MICU3: variants seen among roughly 807,000 people sequenced by gnomAD.
The protein encoded by MICU3 is calcium uptake protein 3, mitochondrial.
In MICU3, 62 loss-of-function variants were observed where a neutral mutation model predicts 66.5. The observed-to-expected ratio is 0.93, with a 90% CI of 0.76 to 1.15. MICU3 has a LOEUF of 1.15. MICU3 is among the 50% of genes most tolerant of loss of function. The pLI is 0.00. For missense variants in MICU3, 779 were observed against 664.4 expected, an observed-to-expected ratio of 1.17 and a Z score of -1.90; for synonymous variants, 308 against 240.7, an observed-to-expected ratio of 1.28 and a Z score of -2.59.
intron 1 of MICU3, among the ~76,000 whole-genome samples, chr8:17,032,253 C>T (rs1354438252): frequency 6.6e-6 from 1 of 152,144 alleles, no homozygotes; most frequent in African/African-American, 2.4e-5. Flanking sequence ...AATTTTTTAG[C>T]AAACTATGGC....
chr8:17,123,982 G>A (rs1340162850), downstream of MICU3, among the ~76,000 whole-genome samples: 3 of 142,440 alleles, frequency 2.1e-5, no homozygotes, highest in African/African-American at 7.7e-5. Flanking sequence ...TCCCTCTGTT[G>A]TGCTTCTCAG....
At position 17,064,123 on chromosome 8, in the gene MICU3, T is replaced by C. The variant is rs1398985165; in HGVS notation, c.421T>C (p.Tyr141His). Reference sequence around the variant, plus strand: ...AACAGACATTGAAGACTTAGACCTTTATGCCACATCTCGGGAGAGGCGATT... The same window carrying C: ...AACAGACATTGAAGACTTAGACCTTCATGCCACATCTCGGGAGAGGCGATT... ...GRTDIEDLDL[Y>H]ATSRERRFRL... The change falls in exon 2 of 15, where the codon TAT becomes CAT. Residue 141 changes from tyrosine (Y) to histidine (H), a missense_variant. Physicochemically the swap from Tyr to His is moderately conservative, Grantham distance 83. Coordinates refer to ENST00000318063, the MANE Select transcript of MICU3 (RefSeq NM_181723.3). 3.1e-6 allele frequency: 5 copies of C among 1,613,276 alleles called. No individual in the cohort carries two copies. The highest frequency in any genetic ancestry group is 1.3e-5 in the African/African-American group (1 of 74,908).
In MICU3 at chr8:17,114,167, T is replaced by C. The variant is rs1373831521; in HGVS notation, c.1332T>C (p.Asn444=). The C allele has an allele frequency of 1.9e-6, 3 of 1,611,404 alleles. No homozygotes were observed. The Admixed American group carries it at 5.0e-5, about 27-fold the overall frequency. The part of the protein sequence containing the change: ...NNLEDFAIAL[N]MYNFASRSIG... ...TAGAAGACTTTGCAATAGCCCTGAATATGTATAACTTTGCAAGTCGTTCTA... is the reference window on the plus strand; with the variant it reads ...TAGAAGACTTTGCAATAGCCCTGAACATGTATAACTTTGCAAGTCGTTCTA... Residue 444 remains asparagine, a synonymous_variant, in exon 12 of 15, where the codon AAT becomes AAC. Transcript: ENST00000318063.
chr8:17,027,284 C>T lies in MICU3; in HGVS notation c.5C>T (p.Ala2Val). 3 of 1,381,758 alleles carry T rather than the reference C, an allele frequency of 2.2e-6. No homozygotes were observed. The highest frequency in any genetic ancestry group is 1.3e-5 in the South Asian group (1 of 77,476). 85.6% of individuals were successfully genotyped at this position (1,381,758 alleles called of 1,614,324 possible). M[A>V]ALRRLLWPPP... ...CTGGTGTGGGCGGCCTCCGCTATGG[C>T]TGCGCTGCGAAGGCTCTTGTGGCCG... The change falls in exon 1 of 15, where the codon GCT becomes GTT. Residue 2 changes from alanine to valine, a missense_variant. Coordinates refer to ENST00000318063, the MANE Select transcript of MICU3 (RefSeq NM_181723.3).
Position 17,027,429 on chromosome 8 carries a change from G to A in MICU3, c.150G>A (p.Glu50=). The change falls in exon 1 of 15, where the codon GAG becomes GAA. Residue 50 remains glutamate (E), a synonymous_variant. Coordinates refer to ENST00000318063, the MANE Select transcript of MICU3 (RefSeq NM_181723.3). ...GRPFSSREDE[E]RAVAEAAWRR... The stretch of plus-strand genomic sequence containing the variant: ...CCTTCTCCTCCCGAGAGGATGAGGA[G>A]AGGGCTGTGGCGGAGGCGGCATGGA... The A allele has an allele frequency of 3.0e-6, 4 of 1,331,374 alleles. No homozygotes were observed. Among genetic ancestry groups the A allele is most frequent in the Non-Finnish European group, 3.8e-6 (4 of 1,045,970 alleles). The allele number at this position is 1,331,374 out of a possible 1,614,324, so 82.5% of individuals were successfully genotyped here. A position where few individuals can be genotyped will look rare whatever the true frequency, so the allele number is the denominator to read the frequency against.
chr8:17,038,960 A>AT (rs1563274380), intron 1 of MICU3, among the ~76,000 whole-genome samples: 5 of 150,474 alleles, frequency 3.3e-5, no homozygotes, highest in Non-Finnish European at 5.9e-5. Flanking sequence ...CTCAAAAAAA[A>AT]AAAAAAATAA....
intron 3 of MICU3, among the ~76,000 whole-genome samples, chr8:17,072,338 G>A (rs1238931183): frequency 6.6e-6 from 1 of 151,860 alleles, no homozygotes; most frequent in African/African-American, 2.4e-5. Context: ...TCCATGGAGG[G>A]GGCAAATTAG....
chr8:17,062,416 G>T (rs1377671757), intron 1 of MICU3, among the ~76,000 whole-genome samples: 1 of 152,178 alleles, frequency 6.6e-6, no homozygotes, highest in African/African-American at 2.4e-5. Context: ...TATGCCGTTA[G>T]AAGTGGGGAG....
Position 17,085,338 on chromosome 8 carries a change from C to T in MICU3, c.777+20C>T, listed in dbSNP as rs765921021. ...TTGGTGGTATGTATACTAGATGCTGCACTTTATCAATAATTAAATATTGCT... is the reference window on the plus strand; with the variant it reads ...TTGGTGGTATGTATACTAGATGCTGTACTTTATCAATAATTAAATATTGCT... On this transcript the variant is annotated intron_variant, in intron 6 of 14. Coordinates refer to ENST00000318063, the MANE Select transcript of MICU3 (RefSeq NM_181723.3). 2.1e-6 allele frequency: 3 copies of T among 1,432,540 alleles called. 1 individual carries two copies. Among genetic ancestry groups the T allele is most frequent in the Non-Finnish European group, 2.9e-6 (3 of 1,022,286 alleles). The allele number at this position is 1,432,540 out of a possible 1,614,324, so 88.7% of individuals were successfully genotyped here. A position where few individuals can be genotyped will look rare whatever the true frequency, so the allele number is the denominator to read the frequency against.
Position 17,104,636 on chromosome 8 carries a change from ATCAG to A in MICU3, c.1085+147_1085+150del. The A allele has an allele frequency of 1.2e-5, 5 of 412,664 alleles. No homozygotes were observed. The East Asian group carries it at 1.8e-4, about 15-fold the overall frequency. The allele number at this position is 412,664 out of a possible 1,614,324, so 25.6% of individuals were successfully genotyped here. ...CTCTGTATAATAAATACCCACATTT[ATCAG>A]TACCTACATACCAGTGGTTATATTG... On this transcript the variant is annotated intron_variant, in intron 10 of 14. Transcript: ENST00000318063.
chr8:17,104,441 C>CT lies in MICU3; in HGVS notation c.1041dup (p.Gly348TrpfsTer7). On this transcript the variant is annotated frameshift_variant, in exon 10 of 15. Coordinates refer to ENST00000318063, the MANE Select transcript of MICU3 (RefSeq NM_181723.3). LOFTEE classifies it high-confidence loss of function. ...TAACAGATACTACACTTCTTGTACA[C>CT]TTTTTTGGAAAGAAAGGAAAAGCTG... is the stretch of plus-strand genomic sequence containing the variant. The CT allele has an allele frequency of 4.8e-6, 7 of 1,464,910 alleles. No homozygotes were observed. Among genetic ancestry groups the CT allele is most frequent in the South Asian group, 3.2e-5 (2 of 62,984 alleles). 90.7% of individuals were successfully genotyped at this position (1,464,910 alleles called of 1,614,324 possible). A position where few individuals can be genotyped will look rare whatever the true frequency, so the allele number is the denominator to read the frequency against.
intron 1 of MICU3, among the ~76,000 whole-genome samples, chr8:17,040,159 C>T (rs564820879): frequency 3.2e-4 from 48 of 152,180 alleles, no homozygotes; most frequent in African/African-American, 1.1e-3. Context: ...CCGCCCACCT[C>T]GGCCTCCCGA....
intron 1 of MICU3, among the ~76,000 whole-genome samples, chr8:17,042,855 G>A (rs962098431): frequency 6.6e-5 from 10 of 151,426 alleles, no homozygotes; most frequent in Admixed American, 5.9e-4. Flanking sequence ...TATTGACTAG[G>A]TGAGATATTT....
At chr8:17,107,320 G>A (rs934877598) in intron 11 of MICU3, among the ~76,000 whole-genome samples, 4 of 152,162 alleles carry the variant, frequency 2.6e-5, no homozygotes, top group African/African-American at 9.7e-5. Context: ...GCTATGCGAA[G>A]TTCTGGGTAA....
intron 1 of MICU3, among the ~76,000 whole-genome samples, chr8:17,044,798 G>T (rs1814782298): frequency 6.6e-6 from 1 of 152,202 alleles, no homozygotes. Flanking sequence ...AGTGAAAGCA[G>T]GTGTAATAAG....
chr8:17,137,719 T>C, the MICU3 span, among the ~76,000 whole-genome samples: 1 of 42,186 alleles, frequency 2.4e-5, no homozygotes, highest in Admixed American at 2.8e-4. Flanking sequence ...TTTTTTTTTT[T>C]TTTTTTTTTT....
intron 3 of MICU3, among the ~76,000 whole-genome samples, chr8:17,072,697 T>C (rs2150683075): frequency 6.6e-6 from 1 of 151,960 alleles, no homozygotes; most frequent in East Asian, 1.9e-4. Flanking sequence ...AATAGACAAA[T>C]ATGCCTACAA....
chr8:17,062,223 A>T (rs1817940487), intron 1 of MICU3, among the ~76,000 whole-genome samples: 1 of 152,144 alleles, frequency 6.6e-6, no homozygotes, highest in Non-Finnish European at 1.5e-5. Flanking sequence ...CTTGACATTA[A>T]AATTTATCAT....
chr8:17,029,319 T>C (rs1023479147), intron 1 of MICU3, among the ~76,000 whole-genome samples: 1 of 152,132 alleles, frequency 6.6e-6, no homozygotes, highest in Non-Finnish European at 1.5e-5. Context: ...CTACTAAAAA[T>C]ACAAAAATCA....
Sources: allele counts gnomAD v4.1 joint callset (sites outside exome capture counted in the v4.1 genomes callset), GRCh38; gene constraint gnomAD v4.1.1; transcripts MANE v1.5; gene names NCBI Gene and HGNC (gene_info 2026-07-23, HGNC 2026-07-21).